Variants in ATG7 observed in about 807,000 individuals in gnomAD.
ATG7 encodes the protein ubiquitin-like modifier-activating enzyme ATG7.
ATG7 carries 70 observed loss-of-function variants against 82.4 expected under a neutral mutation model. That is an observed-to-expected ratio of 0.85 (90% CI 0.70 to 1.04). The LOEUF (loss-of-function observed/expected upper bound fraction) is 1.04, where lower values mean the gene tolerates loss of function less well. Among genes scored for constraint, ATG7 ranks in the 50% least tolerant of loss-of-function variants. ATG7 has a pLI of 0.00. For missense variants in ATG7, 792 were observed against 864.3 expected, an observed-to-expected ratio of 0.92 and a Z score of 1.05; for synonymous variants, 287 against 313.0, an observed-to-expected ratio of 0.92 and a Z score of 0.88.
chr3:11,561,755 T>G (rs7621843), downstream of ATG7, among the ~76,000 whole-genome samples: 36,659 of 151,916 alleles, frequency 0.24, 5,578 homozygotes, highest in African/African-American at 0.42. Context: ...GCAGGGCCAG[T>G]ATGAGCCCTG....
At position 11,294,249 on chromosome 3, in the gene ATG7, T is replaced by A. The variant is rs200346766; in HGVS notation, c.-10-4437T>A. 2.6e-5 allele frequency among the ~76,000 whole-genome samples: 4 copies of A among 152,118 alleles called. No individual in the cohort carries two copies. In the East Asian group the frequency reaches 7.7e-4, roughly 29 times the overall value. On this transcript the variant is annotated intron_variant, in intron 3 of 20. Coordinates refer to ENST00000693202, the MANE Select transcript of ATG7 (RefSeq NM_001349232.2). ...TGTTTTCTTTTTATTTTATTTTATT[T>A]TTTTTTGAAATGGAGTTTTGCTCTT...
intron 8 of ATG7, 85 bp from the exon 9 acceptor site, chr3:11,315,259 A>G: frequency 8.2e-7 from 1 of 1,217,864 alleles, no homozygotes; most frequent in East Asian, 2.6e-5. Context: ...TTCTGGTTTT[A>G]AGGTACCTTT....
chr3:11,417,805 A>ATTATTTTTTT (rs1559578331), intron 19 of ATG7, among the ~76,000 whole-genome samples: 7 of 52,742 alleles, frequency 1.3e-4, no homozygotes, highest in South Asian at 7.0e-4. Flanking sequence ...TTATTATTTT[A>ATTATTTTTTT]TTTTATTTTA....
chr3:11,346,649 C>T (rs190724841), intron 13 of ATG7: 15 of 152,344 alleles, frequency 9.8e-5, no homozygotes, highest in East Asian at 7.7e-4. Context: ...CTACCCAGCA[C>T]GTTCCCAGAG....
intron 20 of ATG7, among the ~76,000 whole-genome samples, chr3:11,524,457 G>A (rs555739882): frequency 1.3e-5 from 2 of 152,236 alleles, no homozygotes; most frequent in Admixed American, 6.5e-5. Flanking sequence ...TGTATAGTCT[G>A]TTTTTTATGC....
At chr3:11,378,327 A>T (rs2077588919) in intron 18 of ATG7, among the ~76,000 whole-genome samples, 1 of 151,044 alleles carries the variant, frequency 6.6e-6, no homozygotes, top group Admixed American at 6.6e-5. Context: ...AAATTTTTAA[A>T]ATGTCTTTAT....
At position 11,362,903 on chromosome 3, in the gene ATG7, G is replaced by C; in HGVS notation, c.1774G>C (p.Val592Leu). The change falls in exon 17 of 21, where the codon GTA (valine) becomes CTA (leucine). Residue 592 changes from valine to leucine, a missense_variant. Val to Leu is a conservative substitution (Grantham distance 32). Transcript: ENST00000693202. Reference protein sequence around the residue: ...IAGALAVELMVSVLQHPEGGY... With the variant: ...IAGALAVELMLSVLQHPEGGY... ...AGGAGCCCTGGCCGTGGAATTGATG[G>C]TATCTGTTTTGCAGCATCCAGAAGG... 1 of 1,613,972 alleles carries C rather than the reference G, an allele frequency of 6.2e-7. No homozygotes were observed. The highest frequency in any genetic ancestry group is 2.2e-5 in the East Asian group (1 of 44,876).
chr3:11,559,367 G>A (rs768610184), downstream of ATG7: 29 of 1,551,702 alleles, frequency 1.9e-5, no homozygotes, highest in East Asian at 4.9e-5. Context: ...AGGCCCGGGC[G>A]CGGCACAGCC....
At chr3:11,274,365 G>C (rs950897811) in intron 1 of ATG7, among the ~76,000 whole-genome samples, 4 of 152,138 alleles carry the variant, frequency 2.6e-5, no homozygotes, top group African/African-American at 9.7e-5. Flanking sequence ...GCGGAGGTTT[G>C]GTAGAGGAGG....
At chr3:11,459,601 A>G (rs935831124) in intron 20 of ATG7, among the ~76,000 whole-genome samples, 1 of 152,150 alleles carries the variant, frequency 6.6e-6, no homozygotes, top group African/African-American at 2.4e-5. Context: ...CAGAGCCAAC[A>G]GGGAAGTAAT....
chr3:11,479,505 T>C (rs1396225116), intron 20 of ATG7, among the ~76,000 whole-genome samples: 1 of 152,016 alleles, frequency 6.6e-6, no homozygotes, highest in Non-Finnish European at 1.5e-5. Context: ...ACCGATCCCC[T>C]CTCTTGGAGC....
intron 20 of ATG7, among the ~76,000 whole-genome samples, chr3:11,534,045 G>A (rs1024894893): frequency 1.3e-5 from 2 of 152,206 alleles, no homozygotes; most frequent in South Asian, 4.1e-4. Flanking sequence ...TGTCAGAGTT[G>A]GAAAAGTACT....
chr3:11,482,747 G>C lies in ATG7; in HGVS notation c.2079+55821G>C, dbSNP rs78831006. ...ATTTATAGGGGATATCTAGTGCCAG[G>C]CTACTAATCCAGTGCTTTTCAACCC... On this transcript the variant is annotated intron_variant, in intron 20 of 20. Transcript: ENST00000693202. Among the ~76,000 whole-genome samples the C allele has an allele frequency of 1.8e-3, 269 of 151,648 alleles. 1 individual carries two copies. The highest frequency in any genetic ancestry group is 6.3e-3 in the African/African-American group (259 of 41,346).
intron 7 of ATG7, among the ~76,000 whole-genome samples, chr3:11,311,510 A>G (rs146771180): frequency 2.2e-4 from 34 of 152,002 alleles, no homozygotes; most frequent in East Asian, 2.1e-3. Context: ...GCTGAGGCAG[A>G]AGAATTGCTT....
intron 20 of ATG7, among the ~76,000 whole-genome samples, chr3:11,551,040 T>C (rs910317733): frequency 6.6e-6 from 1 of 152,194 alleles, no homozygotes; most frequent in South Asian, 2.1e-4. Context: ...TCTCTTCATA[T>C]CAGTTTTTTA....
intron 20 of ATG7, among the ~76,000 whole-genome samples, chr3:11,498,366 C>T (rs2091025638): frequency 6.6e-6 from 1 of 152,194 alleles, no homozygotes; most frequent in South Asian, 2.1e-4. Context: ...TATGGCACTG[C>T]TGCTGAAGAA....
the ATG7 span, among the ~76,000 whole-genome samples, chr3:11,568,262 G>A: frequency 4.3e-4 from 66 of 152,332 alleles, no homozygotes; most frequent in East Asian, 0.01. This position sits in a 1 kb window ranked among gnomAD's most constrained non-coding sequence, Gnocchi z 5.9. Context: ...CTAGGGGCAC[G>A]GCACAGTCAC....
intron 20 of ATG7, among the ~76,000 whole-genome samples, chr3:11,450,746 C>T (rs1242678566): frequency 6.6e-6 from 1 of 152,182 alleles, no homozygotes; most frequent in East Asian, 1.9e-4. Context: ...GCCCTGCTAC[C>T]GTTTGTGAAC....
intron 20 of ATG7, among the ~76,000 whole-genome samples, chr3:11,455,346 C>G (rs2085598632): frequency 6.6e-6 from 1 of 152,144 alleles, no homozygotes; most frequent in African/African-American, 2.4e-5. Context: ...AGAATGATGA[C>G]AATTCTAGAA....
Sources: allele counts gnomAD v4.1 joint callset (sites outside exome capture counted in the v4.1 genomes callset), GRCh38; gene constraint gnomAD v4.1.1; non-coding constraint Gnocchi (gnomAD v3.1); transcripts MANE v1.5; gene names NCBI Gene and HGNC (gene_info 2026-07-23, HGNC 2026-07-21).